STPG1: variants seen among roughly 807,000 people sequenced by gnomAD.
STPG1 encodes sperm tail PG-rich repeat containing 1.
In STPG1, 33 loss-of-function variants were observed where a neutral mutation model predicts 40.1. That is an observed-to-expected ratio of 0.82 (90% CI 0.62 to 1.10). The LOEUF is 1.10. STPG1 is among the 50% of genes least tolerant of loss of function. The probability of loss-of-function intolerance (pLI) is 0.00; values close to 1 mark genes in which losing one functional copy is unlikely to be tolerated. For missense variants in STPG1, 396 were observed against 415.1 expected (o/e 0.95, Z 0.40); for synonymous variants, 150 against 155.0 (o/e 0.97, Z 0.24).
chr1:24,379,964 TG>T, intron 4 of STPG1, 141 bp from the exon 5 acceptor site: 2 of 818,460 alleles, frequency 2.4e-6, no homozygotes, highest in South Asian at 3.7e-5. Context: ...AATGATAAAC[TG>T]ACCTCAGGCT....
chr1:24,406,175 G>A (rs754602750), intron 1 of STPG1, among the ~76,000 whole-genome samples: 5 of 151,656 alleles, frequency 3.3e-5, no homozygotes, highest in Non-Finnish European at 5.9e-5. Flanking sequence ...ATTACTTATG[G>A]CCTCATTTTA....
At chr1:24,408,661 A>G (rs761268675) in intron 1 of STPG1, among the ~76,000 whole-genome samples, 10 of 152,232 alleles carry the variant, frequency 6.6e-5, no homozygotes, top group Non-Finnish European at 1.3e-4. Context: ...CTGTTGTCCA[A>G]TGTGAGTTGT....
intron 5 of STPG1, among the ~76,000 whole-genome samples, chr1:24,378,750 G>A (rs1440025972): frequency 6.6e-6 from 1 of 152,182 alleles, no homozygotes; most frequent in African/African-American, 2.4e-5. Flanking sequence ...AACCAAAATA[G>A]TTTGGAAAAT....
intron 7 of STPG1, among the ~76,000 whole-genome samples, chr1:24,366,116 G>A (rs895573679): frequency 1.3e-5 from 2 of 152,170 alleles, no homozygotes; most frequent in African/African-American, 4.8e-5. Flanking sequence ...AAGCATTTCT[G>A]TAGCTGTAAC....
intron 2 of STPG1, among the ~76,000 whole-genome samples, chr1:24,393,890 C>T (rs1007879901): frequency 5.9e-5 from 9 of 152,172 alleles, no homozygotes; most frequent in African/African-American, 2.2e-4. Context: ...ATCTCAAGAC[C>T]ACAGCACAGG....
In STPG1 at chr1:24,412,449, T is replaced by A. The variant is rs527616519; in HGVS notation, c.-69+1225A>T. Among the ~76,000 whole-genome samples, 35 of 152,308 alleles carry A rather than the reference T, an allele frequency of 2.3e-4. No homozygotes were observed. The East Asian group carries it at 4.8e-3, about 21-fold the overall frequency. On this transcript the variant is annotated intron_variant, in intron 1 of 8. Transcript: ENST00000337248. ...AGCCCCTTACTCTGCTTTATCTTTT[T>A]CAAAGCACTTTTCACTACCCAACAT...
chr1:24,373,674 T>C (rs1434609544), intron 6 of STPG1, 28 bp downstream of exon 6: 2 of 1,493,768 alleles, frequency 1.3e-6, no homozygotes, highest in African/African-American at 2.8e-5. Context: ...AACCCTTAGG[T>C]CAAGGCCAGT....
At chr1:24,379,034 AT>A (rs1172836726) in intron 5 of STPG1, among the ~76,000 whole-genome samples, 1 of 152,232 alleles carries the variant, frequency 6.6e-6, no homozygotes, top group African/African-American at 2.4e-5. Flanking sequence ...TAATATTTGC[AT>A]TAACACGATG....
rs934400581 is a variant in STPG1 at position 24,358,410 on chromosome 1, G to A, written c.*133C>T. 3.8e-6 allele frequency: 3 copies of A among 795,930 alleles called. No homozygotes were observed. The highest frequency in any genetic ancestry group is 6.8e-6 in the Non-Finnish European group (3 of 443,488). The allele number at this position is 795,930 out of a possible 1,614,324, so 49.3% of individuals were successfully genotyped here. On this transcript the variant is annotated 3_prime_UTR_variant, in exon 9 of 9. Transcript: ENST00000337248. ...GGCAGCAGTCCGGCTAGGATGCCAGGCCAGAGTGGTAGAGCCACCCCCCAA... is the reference window on the plus strand; with the variant it reads ...GGCAGCAGTCCGGCTAGGATGCCAGACCAGAGTGGTAGAGCCACCCCCCAA...
intron 1 of STPG1, among the ~76,000 whole-genome samples, chr1:24,413,401 C>T (rs1160713842): frequency 1.3e-5 from 2 of 152,232 alleles, no homozygotes; most frequent in African/African-American, 4.8e-5. Context: ...AAGGGTCGGA[C>T]GCCCACGCCC....
At chr1:24,402,567 G>A (rs1297298382) in intron 1 of STPG1, among the ~76,000 whole-genome samples, 1 of 151,898 alleles carries the variant, frequency 6.6e-6, no homozygotes, top group Admixed American at 6.6e-5. Flanking sequence ...TTTGAGACTA[G>A]CCTAAGCAAC....
intron 7 of STPG1, among the ~76,000 whole-genome samples, chr1:24,367,804 A>G (rs1257472794): frequency 6.6e-6 from 1 of 152,170 alleles, no homozygotes; most frequent in Non-Finnish European, 1.5e-5. Context: ...GTGAGTCACC[A>G]TGCCCAACCG....
At chr1:24,387,872 A>G (rs916555989) in intron 3 of STPG1, among the ~76,000 whole-genome samples, 2 of 152,152 alleles carry the variant, frequency 1.3e-5, no homozygotes, top group Admixed American at 1.3e-4. Flanking sequence ...CCCCTTGAAC[A>G]TGGTGACTTC....
In STPG1 at chr1:24,357,370, G is replaced by C. The variant is rs1640792064; in HGVS notation, c.*1173C>G. 1 of 152,246 alleles carries C rather than the reference G, an allele frequency of 6.6e-6. No homozygotes were observed. Among genetic ancestry groups the C allele is most frequent in the Non-Finnish European group, 1.5e-5 (1 of 68,106 alleles). 9.4% of individuals were successfully genotyped at this position (152,246 alleles called of 1,614,324 possible). Reference sequence around the variant, plus strand: ...AACTTCCCACCCAGCTCCCCTCCCAGAGCCAGTTAGGAAGCTGGAAGGTGG... The same window carrying C: ...AACTTCCCACCCAGCTCCCCTCCCACAGCCAGTTAGGAAGCTGGAAGGTGG... On this transcript the variant is annotated 3_prime_UTR_variant, in exon 9 of 9. Coordinates refer to ENST00000337248, the MANE Select transcript of STPG1 (RefSeq NM_001199013.2).
At chr1:24,379,503 T>C (rs1024010040) in intron 5 of STPG1, 150 bp downstream of exon 5, 2 of 805,618 alleles carry the variant, frequency 2.5e-6, no homozygotes, top group Non-Finnish European at 2.0e-6. Flanking sequence ...AAGAGTCTTG[T>C]ACAGCCTTAG....
At chr1:24,358,696 G>T in intron 8 of STPG1, 77 bp from the exon 9 acceptor site, 1 of 1,207,786 alleles carries the variant, frequency 8.3e-7, no homozygotes, top group Non-Finnish European at 1.2e-6. Flanking sequence ...CTACCTCAGA[G>T]CTGGAAAGGC....
At chr1:24,366,783 C>T (rs1278155946) in intron 7 of STPG1, among the ~76,000 whole-genome samples, 1 of 152,056 alleles carries the variant, frequency 6.6e-6, no homozygotes, top group Non-Finnish European at 1.5e-5. Context: ...CCAGAGCAGC[C>T]CCAGACCACA....
intron 5 of STPG1, among the ~76,000 whole-genome samples, chr1:24,374,450 A>G (rs1014536316): frequency 2.6e-5 from 4 of 151,756 alleles, no homozygotes. Flanking sequence ...TAGTAGAGAC[A>G]GGGTTTCACC....
intron 8 of STPG1, 73 bp from the exon 9 acceptor site, chr1:24,358,692 C>T: frequency 7.9e-7 from 1 of 1,271,060 alleles, no homozygotes; most frequent in South Asian, 1.3e-5. Context: ...CATTCTACCT[C>T]AGAGCTGGAA....
Sources: gnomAD v4.1 joint callset for allele counts (sites outside exome capture counted in the v4.1 genomes callset) on GRCh38, gnomAD v4.1.1 for gene constraint, MANE v1.5 for transcripts, NCBI Gene and HGNC (gene_info 2026-07-23, HGNC 2026-07-21) for gene names.